Variants in CENPW observed in about 807,000 individuals in gnomAD.
CENPW encodes the protein cancer-up-regulated gene 2 protein.
CENPW carries 3 observed loss-of-function variants against 11.1 expected under a neutral mutation model. That is an observed-to-expected ratio of 0.27 (90% CI 0.12 to 0.70). The LOEUF is 0.70. Ranked by LOEUF, CENPW falls within the 30% of genes least tolerant of loss-of-function variation. The pLI is 0.77. For synonymous variants in CENPW, 38 were observed against 42.0 expected (o/e 0.91, Z 0.37); for missense variants, 100 against 105.6 (o/e 0.95, Z 0.23).
At chr6:126,380,671 T>G in the CENPW span, among the ~76,000 whole-genome samples, 6 of 152,338 alleles carry the variant, frequency 3.9e-5, no homozygotes, top group African/African-American at 1.4e-4. Context: ...ATATTTTATT[T>G]GCTTATTTAT....
At chr6:126,409,544 C>A in the CENPW span, among the ~76,000 whole-genome samples, 3 of 151,976 alleles carry the variant, frequency 2.0e-5, no homozygotes, top group African/African-American at 4.8e-5. Flanking sequence ...TGGAGAGTAT[C>A]TCTTCCTTTA....
At chr6:126,388,187 T>C in the CENPW span, among the ~76,000 whole-genome samples, 2 of 152,136 alleles carry the variant, frequency 1.3e-5, no homozygotes, top group Non-Finnish European at 2.9e-5. Context: ...AGCTAAGATA[T>C]AAGCATAAAC....
the CENPW span, among the ~76,000 whole-genome samples, chr6:126,419,382 T>C: frequency 2.0e-5 from 3 of 152,132 alleles, no homozygotes; most frequent in Admixed American, 6.5e-5. Context: ...AATTTACACA[T>C]GATAAACAAT....
the CENPW span, among the ~76,000 whole-genome samples, chr6:126,371,298 G>C: frequency 6.6e-6 from 1 of 152,088 alleles, no homozygotes; most frequent in African/African-American, 2.4e-5. Context: ...TAATCATAAA[G>C]GGATGCTGGA....
the CENPW span, among the ~76,000 whole-genome samples, chr6:126,456,591 A>G: frequency 2.5e-4 from 38 of 151,656 alleles, no homozygotes; most frequent in Middle Eastern, 0.01. Flanking sequence ...AACCAAAACC[A>G]TTAAAATCCT....
the CENPW span, among the ~76,000 whole-genome samples, chr6:126,449,523 C>G: frequency 6.6e-6 from 1 of 151,080 alleles, no homozygotes; most frequent in African/African-American, 2.4e-5. Flanking sequence ...ACCAGTAAGA[C>G]AACTCAGAGC....
At chr6:126,434,712 A>G in the CENPW span, among the ~76,000 whole-genome samples, 1 of 152,026 alleles carries the variant, frequency 6.6e-6, no homozygotes, top group Non-Finnish European at 1.5e-5. Context: ...AAACATTGCT[A>G]TTAACTTGGC....
At chr6:126,412,194 C>T in the CENPW span, among the ~76,000 whole-genome samples, 2 of 150,534 alleles carry the variant, frequency 1.3e-5, no homozygotes, top group African/African-American at 2.4e-5. Context: ...AATCTTGTTG[C>T]CCAAGCTGGT....
the CENPW span, among the ~76,000 whole-genome samples, chr6:126,466,769 T>C: frequency 3.3e-5 from 5 of 152,146 alleles, no homozygotes; most frequent in Admixed American, 3.3e-4. Context: ...CTCCTTCAGC[T>C]GATAAACAAA....
chr6:126,412,958 G>C, the CENPW span, among the ~76,000 whole-genome samples: 1 of 151,996 alleles, frequency 6.6e-6, no homozygotes, highest in Non-Finnish European at 1.5e-5. Context: ...TTCTTCCTAT[G>C]ATTTAGTAGA....
At chr6:126,460,324 CAAATT>C in the CENPW span, among the ~76,000 whole-genome samples, 1 of 151,732 alleles carries the variant, frequency 6.6e-6, no homozygotes, top group Non-Finnish European at 1.5e-5. Context: ...CACTAATACT[CAAATT>C]AAATTGCTCT....
rs375635063 is a variant in CENPW, at chr6:126,340,419, C to G, written c.126+20C>G. 2.5e-6 allele frequency: 4 copies of G among 1,614,108 alleles called. No homozygotes were observed. The highest frequency in any genetic ancestry group is 1.7e-4 in the Middle Eastern group (1 of 6,040). ...TTATTGGTGAGATTCCATCCCTTCT[C>G]GGGCTGGGAATGGGGCACGGGAGAG... On this transcript the variant is annotated intron_variant, in intron 1 of 2. Coordinates refer to ENST00000368328, the MANE Select transcript of CENPW (RefSeq NM_001012507.4).
At chr6:126,389,154 ACT>A in the CENPW span, among the ~76,000 whole-genome samples, 1 of 151,750 alleles carries the variant, frequency 6.6e-6, no homozygotes. Flanking sequence ...TTTACCTATC[ACT>A]CTCTAACTGA....
At chr6:126,382,254 T>C in the CENPW span, among the ~76,000 whole-genome samples, 1 of 151,510 alleles carries the variant, frequency 6.6e-6, no homozygotes, top group African/African-American at 2.4e-5. Flanking sequence ...TATATATATA[T>C]ATACCTTGAA....
At chr6:126,478,657 C>G in the CENPW span, among the ~76,000 whole-genome samples, 1 of 152,002 alleles carries the variant, frequency 6.6e-6, no homozygotes, top group Admixed American at 6.6e-5. Flanking sequence ...AGAGATTTGA[C>G]TCACCTACCT....
chr6:126,358,023 A>G, the CENPW span, among the ~76,000 whole-genome samples: 1 of 152,250 alleles, frequency 6.6e-6, no homozygotes, highest in South Asian at 2.1e-4. Flanking sequence ...TTTGAATGTT[A>G]TTGATTTATA....
At chr6:126,452,680 C>T in the CENPW span, among the ~76,000 whole-genome samples, 3 of 150,628 alleles carry the variant, frequency 2.0e-5, no homozygotes, top group East Asian at 2.0e-4. Flanking sequence ...TATCAGAGTG[C>T]CAAAGAGAGA....
At chr6:126,404,632 G>A in the CENPW span, among the ~76,000 whole-genome samples, 1 of 152,028 alleles carries the variant, frequency 6.6e-6, no homozygotes, top group African/African-American at 2.4e-5. Context: ...CACCAACAGT[G>A]TATGAGTCCC....
At chr6:126,386,943 A>G in the CENPW span, among the ~76,000 whole-genome samples, 3 of 152,006 alleles carry the variant, frequency 2.0e-5, no homozygotes, top group African/African-American at 7.2e-5. Flanking sequence ...AGTTTAGTCC[A>G]TGTAATACCA....
Sources: gnomAD v4.1 joint callset for allele counts (sites outside exome capture counted in the v4.1 genomes callset) on GRCh38, gnomAD v4.1.1 for gene constraint, MANE v1.5 for transcripts, NCBI Gene and HGNC (gene_info 2026-07-23, HGNC 2026-07-21) for gene names.